MTMR12: variants seen among roughly 807,000 people sequenced by gnomAD.
MTMR12 encodes the protein myotubularin related protein 12.
Under a neutral mutation model 96.7 loss-of-function variants are expected in MTMR12, and 33 were observed. The observed-to-expected ratio is 0.34, with a 90% confidence interval of 0.26 to 0.46. The LOEUF is 0.46. Ranked by LOEUF, MTMR12 falls within the 20% of genes least tolerant of loss-of-function variation. The pLI, the probability that MTMR12 is intolerant of heterozygous loss-of-function variation, is 1.00. For missense variants in MTMR12, 721 were observed against 896.1 expected, an observed-to-expected ratio of 0.80 and a Z score of 2.49; for synonymous variants, 298 against 327.2, an observed-to-expected ratio of 0.91 and a Z score of 0.96.
At chr5:32,234,520 C>T (rs1748130021) in intron 14 of MTMR12, among the ~76,000 whole-genome samples, 1 of 152,224 alleles carries the variant, frequency 6.6e-6, no homozygotes, top group Admixed American at 6.5e-5. Context: ...AATCGGAGGA[C>T]ATCTGGTCTA....
At chr5:32,306,100 A>G (rs1437360575) in intron 1 of MTMR12, among the ~76,000 whole-genome samples, 1 of 152,190 alleles carries the variant, frequency 6.6e-6, no homozygotes, top group Non-Finnish European at 1.5e-5. Context: ...CTAAGGAAGT[A>G]CTCTAGTGTA....
chr5:32,284,635 T>C lies in MTMR12; in HGVS notation c.82-7893A>G, dbSNP rs374228978. 4.3e-4 allele frequency among the ~76,000 whole-genome samples: 66 copies of C among 152,352 alleles called. 1 individual carries two copies. In the East Asian group the frequency reaches 0.012, roughly 28 times the overall value. On this transcript the variant is annotated intron_variant, in intron 1 of 15. Coordinates refer to ENST00000382142, the MANE Select transcript of MTMR12 (RefSeq NM_001040446.3). ...TTACAGAAGGGTCTAGAGTTGCCCTTAAGCCTCTGCGCCTTTAACTCTGAC... is the reference window on the plus strand; with the variant it reads ...TTACAGAAGGGTCTAGAGTTGCCCTCAAGCCTCTGCGCCTTTAACTCTGAC...
At chr5:32,281,550 T>C (rs1750294277) in intron 1 of MTMR12, among the ~76,000 whole-genome samples, 3 of 152,158 alleles carry the variant, frequency 2.0e-5, no homozygotes, top group Non-Finnish European at 4.4e-5. Flanking sequence ...TCTTTTGCAA[T>C]AGAAAGCACT....
At chr5:32,237,556 G>A (rs1304501288) in intron 13 of MTMR12, among the ~76,000 whole-genome samples, 1 of 152,016 alleles carries the variant, frequency 6.6e-6, no homozygotes, top group Admixed American at 6.5e-5. Context: ...TGTCACCCAG[G>A]CTGGAATGCA....
intron 1 of MTMR12, among the ~76,000 whole-genome samples, chr5:32,278,934 GGGGT>G (rs1750169721): frequency 6.6e-6 from 1 of 151,612 alleles, no homozygotes; most frequent in African/African-American, 2.4e-5. Flanking sequence ...AAAATTAGCC[GGGGT>G]GTTGGTGCAT....
rs1425440181 is a variant in MTMR12 at position 32,227,487 on chromosome 5, T to C, written c.*2291A>G. 1 of 152,668 alleles carries C rather than the reference T, an allele frequency of 6.6e-6. No individual in the cohort carries two copies. The highest frequency in any genetic ancestry group is 2.4e-5 in the African/African-American group (1 of 41,466). 9.5% of individuals were successfully genotyped at this position (152,668 alleles called of 1,614,324 possible). A position where few individuals can be genotyped will look rare whatever the true frequency, so the allele number is the denominator to read the frequency against. On this transcript the variant is annotated 3_prime_UTR_variant, in exon 16 of 16. Coordinates refer to ENST00000382142, the MANE Select transcript of MTMR12 (RefSeq NM_001040446.3). ...AATTTTAAAAAATCATAGAAAAATA[T>C]GTCAATGCACATTCAACTGCTATGA... is the stretch of plus-strand genomic sequence containing the variant.
At chr5:32,238,975 A>C in intron 13 of MTMR12, 26 bp downstream of exon 13, 2 of 1,546,432 alleles carry the variant, frequency 1.3e-6, no homozygotes, top group Non-Finnish European at 1.8e-6. Context: ...CCTATGACGG[A>C]AACAGTCTGC....
chr5:32,258,602 A>G (rs990778939), intron 7 of MTMR12, among the ~76,000 whole-genome samples: 4 of 152,052 alleles, frequency 2.6e-5, no homozygotes, highest in Non-Finnish European at 5.9e-5. Flanking sequence ...GCCTCCCCCA[A>G]CCTACTGAGT....
At chr5:32,255,235 T>C (rs774525005) in intron 8 of MTMR12, among the ~76,000 whole-genome samples, 3 of 152,186 alleles carry the variant, frequency 2.0e-5, no homozygotes, top group African/African-American at 2.4e-5. Context: ...CTTTCTTTGA[T>C]CAGTGACACA....
At chr5:32,286,842 T>C (rs11959574) in intron 1 of MTMR12, among the ~76,000 whole-genome samples, 64,317 of 151,958 alleles carry the variant, frequency 0.42, 13,919 homozygotes, top group East Asian at 0.58. Flanking sequence ...GCCTCCTCCT[T>C]CTGGGCACTG....
chr5:32,312,577 C>G lies in MTMR12; in HGVS notation c.81+181G>C, dbSNP rs1407603018. On this transcript the variant is annotated intron_variant, in intron 1 of 15. Coordinates refer to ENST00000382142, the MANE Select transcript of MTMR12 (RefSeq NM_001040446.3). The surrounding 1 kb of genome is among the most constrained non-coding windows in gnomAD (Gnocchi z 5.0). ...ACCTGCCTGCCTGCGCCGGGGTCCC[C>G]ATTCCGGCCCGCGCGGAGGCCCCAG... is the stretch of plus-strand genomic sequence containing the variant. Among the ~76,000 whole-genome samples, 1 of 152,106 alleles carries G rather than the reference C, an allele frequency of 6.6e-6. No homozygotes were observed. Among genetic ancestry groups the G allele is most frequent in the East Asian group, 1.9e-4 (1 of 5,182 alleles).
At chr5:32,243,886 C>T (rs747599421) in intron 10 of MTMR12, among the ~76,000 whole-genome samples, 4 of 152,120 alleles carry the variant, frequency 2.6e-5, no homozygotes, top group Non-Finnish European at 2.9e-5. Context: ...TCCTGTAGGT[C>T]GACAGAGAGT....
chr5:32,281,259 A>C lies in MTMR12; in HGVS notation c.82-4517T>G, dbSNP rs560134542. ...GGAGACTCTATCATTAAAAAAAAAA[A>C]AAAAACAAAAAAAACTGTTACATGA... is the stretch of plus-strand genomic sequence containing the variant. On this transcript the variant is annotated intron_variant, in intron 1 of 15. Transcript: ENST00000382142. Among the ~76,000 whole-genome samples the C allele has an allele frequency of 1.0e-3, 149 of 149,498 alleles. 7 individuals are homozygous for C. The South Asian group carries it at 0.016, about 16-fold the overall frequency.
At chr5:32,306,924 C>T (rs901724049) in intron 1 of MTMR12, among the ~76,000 whole-genome samples, 11 of 152,074 alleles carry the variant, frequency 7.2e-5, no homozygotes, top group Non-Finnish European at 1.3e-4. Context: ...GCCCTTGTAC[C>T]CACAAAATGG....
At chr5:32,298,765 A>G (rs748793748) in intron 1 of MTMR12, among the ~76,000 whole-genome samples, 15 of 151,434 alleles carry the variant, frequency 9.9e-5, no homozygotes, top group Non-Finnish European at 2.2e-4. Flanking sequence ...TGGCTAACAC[A>G]GTGAAACCCC....
chr5:32,262,563 A>C (rs985081515), intron 7 of MTMR12, among the ~76,000 whole-genome samples: 4 of 152,152 alleles, frequency 2.6e-5, no homozygotes, highest in African/African-American at 9.7e-5. Context: ...GCACCACTGC[A>C]CTCCAGCATG....
chr5:32,291,099 C>T (rs1034060373), intron 1 of MTMR12, among the ~76,000 whole-genome samples: 2 of 152,190 alleles, frequency 1.3e-5, no homozygotes, highest in African/African-American at 2.4e-5. Flanking sequence ...GGTCTCCACA[C>T]CTGCCACCGT....
intron 6 of MTMR12, among the ~76,000 whole-genome samples, chr5:32,264,618 G>A (rs1419334233): frequency 6.6e-6 from 1 of 151,940 alleles, no homozygotes; most frequent in Non-Finnish European, 1.5e-5. Flanking sequence ...CCACCAACAC[G>A]CCTGGCTAAT....
At chr5:32,246,248 C>A (rs1157316176) in intron 10 of MTMR12, among the ~76,000 whole-genome samples, 1 of 147,308 alleles carries the variant, frequency 6.8e-6, no homozygotes, top group African/African-American at 2.5e-5. Context: ...CTCACAGCAA[C>A]CTCCACCTCT....
Sources: allele counts gnomAD v4.1 joint callset (sites outside exome capture counted in the v4.1 genomes callset), GRCh38; gene constraint gnomAD v4.1.1; non-coding constraint Gnocchi (gnomAD v3.1); transcripts MANE v1.5; gene names NCBI Gene and HGNC (gene_info 2026-07-23, HGNC 2026-07-21).